Variants in KLHL23 observed in about 807,000 individuals in gnomAD.
KLHL23 encodes kelch-like protein 23.
Under a neutral mutation model 48.9 loss-of-function variants are expected in KLHL23, and 33 were observed. The ratio of observed to expected loss-of-function variants is 0.67; its 90% confidence interval spans 0.51 to 0.90. The LOEUF is 0.90. Among genes scored for constraint, KLHL23 ranks in the 40% least tolerant of loss-of-function variants. The pLI is 0.00. For synonymous variants in KLHL23, 234 were observed against 231.6 expected (o/e 1.01, Z -0.09); for missense variants, 608 against 669.6 (o/e 0.91, Z 1.02).
At chr2:169,747,241 G>A (rs1401774874) in intron 3 of KLHL23, among the ~76,000 whole-genome samples, 2 of 151,806 alleles carry the variant, frequency 1.3e-5, no homozygotes, top group South Asian at 2.1e-4. Flanking sequence ...GTGCGCACCC[G>A]TAATCTCAGC....
At chr2:169,734,932 G>GA in intron 1 of KLHL23, 81 bp from the exon 2 acceptor site, 1 of 1,479,648 alleles carries the variant, frequency 6.8e-7, no homozygotes, top group Non-Finnish European at 9.0e-7. Flanking sequence ...TATATCCGAT[G>GA]ATAGTCAAGT....
intron 2 of KLHL23, among the ~76,000 whole-genome samples, chr2:169,738,393 C>T (rs931287954): frequency 1.3e-5 from 2 of 152,112 alleles, no homozygotes. Flanking sequence ...AGGTGTGAAC[C>T]ACCACACCCA....
chr2:169,737,448 G>A (rs747656509), intron 2 of KLHL23, among the ~76,000 whole-genome samples: 2 of 152,098 alleles, frequency 1.3e-5, no homozygotes, highest in African/African-American at 2.4e-5. Context: ...ACTACTTGCC[G>A]ATTCCAGGAG....
intron 3 of KLHL23, among the ~76,000 whole-genome samples, chr2:169,747,419 A>C: frequency 7.6e-6 from 1 of 130,968 alleles, no homozygotes; most frequent in South Asian, 2.7e-4. Context: ...CTGAGGGAGA[A>C]CTTTACTGGT....
chr2:169,749,767 T>C lies in KLHL23; in HGVS notation c.*35T>C. On this transcript the variant is annotated 3_prime_UTR_variant, in exon 4 of 4. Coordinates refer to ENST00000392647, the MANE Select transcript of KLHL23 (RefSeq NM_144711.6). ...CAGAAATGACCAAGCAATCACTTTT[T>C]TGGAGTATAGTTTTATAAAAAAAGA... The C allele has an allele frequency of 1.9e-6, 3 of 1,551,624 alleles. No homozygotes were observed. The highest frequency in any genetic ancestry group is 2.6e-6 in the Non-Finnish European group (3 of 1,145,648).
chr2:169,736,286 C>T (rs1688514108), intron 2 of KLHL23, 59 bp downstream of exon 2: 1 of 1,520,582 alleles, frequency 6.6e-7, no homozygotes, highest in Non-Finnish European at 8.8e-7. Context: ...GGCCAGCAGT[C>T]TCACTTCTCT....
chr2:169,739,616 G>T (rs1181172920), intron 2 of KLHL23, among the ~76,000 whole-genome samples: 1 of 152,012 alleles, frequency 6.6e-6, no homozygotes, highest in African/African-American at 2.4e-5. Flanking sequence ...GATTTCCCTC[G>T]TCAAATGCAG....
chr2:169,736,783 C>A (rs73020380), intron 2 of KLHL23, among the ~76,000 whole-genome samples: 19,129 of 152,230 alleles, frequency 0.13, 1,234 homozygotes, highest in Middle Eastern at 0.23. Context: ...GCCTTGCTCT[C>A]CTTCTCTCCC....
intron 2 of KLHL23, 140 bp downstream of exon 2, chr2:169,736,367 C>A: frequency 7.8e-7 from 1 of 1,279,542 alleles, no homozygotes; most frequent in Non-Finnish European, 1.0e-6. Flanking sequence ...ACAGAATGTT[C>A]CAGATAAAAA....
At chr2:169,740,421 A>C (rs1287604576) in intron 2 of KLHL23, among the ~76,000 whole-genome samples, 5 of 151,780 alleles carry the variant, frequency 3.3e-5, no homozygotes, top group Non-Finnish European at 7.4e-5. Context: ...ATAGCTTATA[A>C]AAATACTTTC....
At chr2:169,748,152 G>T (rs1374265726) in intron 3 of KLHL23, among the ~76,000 whole-genome samples, 1 of 152,186 alleles carries the variant, frequency 6.6e-6, no homozygotes. Flanking sequence ...AAACATTCCA[G>T]ATAATGAGAA....
Position 169,741,496 on chromosome 2 carries a change from A to T in KLHL23, c.1325A>T (p.Asp442Val). The change falls in exon 3 of 4, where the codon GAT becomes GTT. Residue 442 changes from aspartate (D) to valine (V), a missense_variant. Asp to Val is a radical substitution (Grantham distance 152). Transcript: ENST00000392647. ...TYDKVQSYNS[D>V]INEWSLITSS... The stretch of plus-strand genomic sequence containing the variant: ...GACAAAGTTCAGAGCTACAATTCCG[A>T]TATCAACGAATGGAGCCTCATCACC... 1.9e-6 allele frequency: 3 copies of T among 1,614,000 alleles called. No individual in the cohort carries two copies. The highest frequency in any genetic ancestry group is 2.5e-6 in the Non-Finnish European group (3 of 1,179,944).
At chr2:169,738,584 A>G (rs1019773383) in intron 2 of KLHL23, among the ~76,000 whole-genome samples, 4 of 152,126 alleles carry the variant, frequency 2.6e-5, no homozygotes, top group Admixed American at 1.3e-4. Context: ...TAAGTTCACT[A>G]ATGTACAGAG....
chr2:169,744,261 A>C, intron 3 of KLHL23, among the ~76,000 whole-genome samples: 1 of 152,250 alleles, frequency 6.6e-6, no homozygotes, highest in East Asian at 1.9e-4. Flanking sequence ...TGAAATTGAG[A>C]ATAAAAAGAG....
At chr2:169,740,801 A>G (rs1476842804) in intron 2 of KLHL23, among the ~76,000 whole-genome samples, 1 of 117,742 alleles carries the variant, frequency 8.5e-6, no homozygotes, top group African/African-American at 3.3e-5. Context: ...TAACTTATTT[A>G]TTGATTTTTT....
intron 1 of KLHL23, among the ~76,000 whole-genome samples, chr2:169,734,551 CT>C (rs1688467546): frequency 6.6e-6 from 1 of 152,156 alleles, no homozygotes; most frequent in Non-Finnish European, 1.5e-5. Flanking sequence ...TTTCCGAGAC[CT>C]CTTCTTGTCC....
intron 3 of KLHL23, among the ~76,000 whole-genome samples, chr2:169,746,513 TG>T (rs1470700336): frequency 6.6e-6 from 1 of 152,238 alleles, no homozygotes; most frequent in Non-Finnish European, 1.5e-5. Context: ...ATATCTGCTG[TG>T]TGCATCCTAC....
At chr2:169,745,874 G>C (rs1688784847) in intron 3 of KLHL23, among the ~76,000 whole-genome samples, 1 of 152,212 alleles carries the variant, frequency 6.6e-6, no homozygotes, top group Admixed American at 6.5e-5. Flanking sequence ...GGAATCATTG[G>C]ATAACCCAAA....
At position 169,749,444 on chromosome 2, in the gene KLHL23, G is replaced by A. The variant is rs368554619; in HGVS notation, c.1389G>A (p.Pro463=). The change falls in exon 4 of 4, where the codon CCG becomes CCA. Residue 463 remains proline, a synonymous_variant. Coordinates refer to ENST00000392647, the MANE Select transcript of KLHL23 (RefSeq NM_144711.6). ...AAGAATATGGATTGTGCTCAGTTCC[G>A]TTTGAAAATAAGCTCTATCTAGTCG... The part of the protein sequence containing the change: ...PHPEYGLCSV[P]FENKLYLVGG... The A allele has an allele frequency of 2.2e-5, 36 of 1,610,814 alleles. No homozygotes were observed. Among genetic ancestry groups the A allele is most frequent in the East Asian group, 1.8e-4 (8 of 44,802 alleles).
Sources: gnomAD v4.1 joint callset for allele counts (sites outside exome capture counted in the v4.1 genomes callset) on GRCh38, gnomAD v4.1.1 for gene constraint, MANE v1.5 for transcripts, NCBI Gene and HGNC (gene_info 2026-07-23, HGNC 2026-07-21) for gene names.